SETBP1: variants seen among roughly 807,000 people sequenced by gnomAD.
The protein encoded by SETBP1 is SET-binding protein.
A neutral mutation model predicts 101.0 loss-of-function variants in SETBP1; 9 were observed. The observed-to-expected ratio is 0.09, with a 90% CI of 0.05 to 0.16. The LOEUF is 0.16. SETBP1 is among the 10% of genes least tolerant of loss of function. The pLI is 1.00. For synonymous variants in SETBP1, 818 were observed against 788.5 expected, an observed-to-expected ratio of 1.04 and a Z score of -0.63; for missense variants, 1,858 against 2,033.8, an observed-to-expected ratio of 0.91 and a Z score of 1.66.
In SETBP1 at chr18:44,885,677, G is replaced by A. The variant is rs16978218; in HGVS notation, c.540+16394G>A. On this transcript the variant is annotated intron_variant, in intron 3 of 5. Coordinates refer to ENST00000649279, the MANE Select transcript of SETBP1 (RefSeq NM_015559.3). Reference sequence around the variant, plus strand: ...TTGAACAGCTGTAACCTTAGACCTCGGAAAGTAAACATTTCACAACTGATA... The same window carrying A: ...TTGAACAGCTGTAACCTTAGACCTCAGAAAGTAAACATTTCACAACTGATA... Among the ~76,000 whole-genome samples, 849 of 151,428 alleles carry A rather than the reference G, an allele frequency of 5.6e-3. 9 individuals are homozygous for A. The highest frequency in any genetic ancestry group is 0.019 in the African/African-American group (791 of 41,190).
chr18:44,696,395 C>G (rs866680772), intron 1 of SETBP1, among the ~76,000 whole-genome samples: 1 of 152,122 alleles, frequency 6.6e-6, no homozygotes, highest in East Asian at 1.9e-4. Flanking sequence ...TAAAAGCTGG[C>G]GTGTTGGGTC....
chr18:45,030,866 A>G (rs1299003673), intron 4 of SETBP1, among the ~76,000 whole-genome samples: 1 of 151,988 alleles, frequency 6.6e-6, no homozygotes, highest in Non-Finnish European at 1.5e-5. Context: ...TATCCCCTTT[A>G]TCATTTTTTA....
At chr18:44,796,859 T>G (rs1373948179) in intron 2 of SETBP1, among the ~76,000 whole-genome samples, 2 of 152,118 alleles carry the variant, frequency 1.3e-5, no homozygotes, top group Non-Finnish European at 2.9e-5. Flanking sequence ...ACACACCACT[T>G]TTATCAACTG....
intron 2 of SETBP1, among the ~76,000 whole-genome samples, chr18:44,835,042 T>G (rs2072468008): frequency 6.6e-6 from 1 of 152,126 alleles, no homozygotes; most frequent in Non-Finnish European, 1.5e-5. Flanking sequence ...CAGATGGGCC[T>G]TCTTGGAGTT....
intron 2 of SETBP1, among the ~76,000 whole-genome samples, chr18:44,834,860 AAAG>A (rs1381231764): frequency 6.6e-6 from 1 of 152,174 alleles, no homozygotes; most frequent in Non-Finnish European, 1.5e-5. Context: ...AGTTAAATCA[AAAG>A]GAGGGAGAGG....
intron 3 of SETBP1, among the ~76,000 whole-genome samples, chr18:44,882,811 A>ATTTATTCTGCAG (rs2069560516): frequency 6.6e-6 from 1 of 152,124 alleles, no homozygotes; most frequent in Non-Finnish European, 1.5e-5. Flanking sequence ...CATTTATTCT[A>ATTTATTCTGCAG]GGCGGGGGTG....
intron 4 of SETBP1, among the ~76,000 whole-genome samples, chr18:45,014,983 C>T (rs1293896473): frequency 1.3e-5 from 2 of 152,198 alleles, no homozygotes; most frequent in East Asian, 1.9e-4. Context: ...ATGCATGCTT[C>T]AAACAGCCAG....
chr18:44,848,798 G>A (rs912457237), intron 2 of SETBP1, among the ~76,000 whole-genome samples: 7 of 152,190 alleles, frequency 4.6e-5, no homozygotes, highest in Non-Finnish European at 5.9e-5. Context: ...CCCCATGGAC[G>A]GAAAGAGGCA....
At chr18:44,862,508 C>G (rs186146601) in intron 2 of SETBP1, among the ~76,000 whole-genome samples, 2 of 152,182 alleles carry the variant, frequency 1.3e-5, no homozygotes. Flanking sequence ...CTACACTACC[C>G]GTCCACTGCC....
intron 2 of SETBP1, among the ~76,000 whole-genome samples, chr18:44,783,758 C>A (rs2071183545): frequency 6.6e-6 from 1 of 152,244 alleles, no homozygotes; most frequent in Middle Eastern, 3.4e-3. Flanking sequence ...AACATGAGGC[C>A]TGGAGAGTTA....
chr18:44,815,798 C>T (rs943827862), intron 2 of SETBP1, among the ~76,000 whole-genome samples: 3 of 152,156 alleles, frequency 2.0e-5, no homozygotes, highest in Admixed American at 6.5e-5. Context: ...CTCAGACAGG[C>T]AAAACAACAG....
intron 3 of SETBP1, among the ~76,000 whole-genome samples, chr18:44,927,857 C>T (rs1453568474): frequency 6.6e-6 from 1 of 152,094 alleles, no homozygotes; most frequent in African/African-American, 2.4e-5. Flanking sequence ...GGTGTCAATA[C>T]TAGTAATTAA....
At chr18:44,775,007 A>AT (rs977232765) in intron 2 of SETBP1, among the ~76,000 whole-genome samples, 10 of 151,368 alleles carry the variant, frequency 6.6e-5, no homozygotes, top group African/African-American at 1.5e-4. Context: ...TAAATTTAGA[A>AT]TTTTTTTTTA....
chr18:44,945,189 G>A (rs1238904799), intron 3 of SETBP1, among the ~76,000 whole-genome samples: 1 of 152,020 alleles, frequency 6.6e-6, no homozygotes, highest in East Asian at 1.9e-4. Context: ...AGAGTGAACA[G>A]GCAACCTACA....
chr18:45,038,786 GA>G, intron 5 of SETBP1, 131 bp downstream of exon 5: 1 of 927,960 alleles, frequency 1.1e-6, no homozygotes, highest in Non-Finnish European at 1.7e-6. Flanking sequence ...CTGAACATGG[GA>G]GCCGTTTCAG....
At position 44,965,284 on chromosome 18, in the gene SETBP1, AACACACACAC is replaced by A. The variant is rs60728043; in HGVS notation, c.4000+11964_4000+11973del. Among the ~76,000 whole-genome samples, 4 of 147,130 alleles carry A rather than the reference AACACACACAC, an allele frequency of 2.7e-5. No homozygotes were observed. The South Asian group carries it at 8.8e-4, about 32-fold the overall frequency. ...AGACAGAGACAGACACATGCACACAAACACACACACACACACACACACACACACAGATCAC... is the reference window on the plus strand; with the variant it reads ...AGACAGAGACAGACACATGCACACAAACACACACACACACACACAGATCAC... On this transcript the variant is annotated intron_variant, in intron 4 of 5. Coordinates refer to ENST00000649279, the MANE Select transcript of SETBP1 (RefSeq NM_015559.3).
At chr18:44,703,233 C>T (rs769502852) in intron 2 of SETBP1, among the ~76,000 whole-genome samples, 8 of 151,662 alleles carry the variant, frequency 5.3e-5, no homozygotes, top group Non-Finnish European at 8.8e-5. Context: ...CTCTCCCTGA[C>T]ATTTGATCAA....
rs186485563 is a variant in SETBP1 at position 44,962,108 on chromosome 18, A to G, written c.4000+8768A>G. Among the ~76,000 whole-genome samples, 20 of 152,376 alleles carry G rather than the reference A, an allele frequency of 1.3e-4. No individual in the cohort carries two copies. In the East Asian group the frequency reaches 3.7e-3, roughly 28 times the overall value. ...AAATCAAGAAAGAGACTAAGTTAGC[A>G]TTCGTAAAACAACCAGAGAATAAAT... is the stretch of plus-strand genomic sequence containing the variant. On this transcript the variant is annotated intron_variant, in intron 4 of 5. Transcript: ENST00000649279.
At chr18:44,685,502 G>A (rs2068822028) in intron 1 of SETBP1, among the ~76,000 whole-genome samples, 1 of 152,154 alleles carries the variant, frequency 6.6e-6, no homozygotes, top group African/African-American at 2.4e-5. Context: ...AGTGTGAAGA[G>A]CCTCACATCT....
Sources: allele counts gnomAD v4.1 joint callset (sites outside exome capture counted in the v4.1 genomes callset), GRCh38; gene constraint gnomAD v4.1.1; transcripts MANE v1.5; gene names NCBI Gene and HGNC (gene_info 2026-07-23, HGNC 2026-07-21).